Variants in FNBP1 observed in about 807,000 individuals in gnomAD.
FNBP1 encodes formin binding protein 1, also known as formin-binding protein 1.
FNBP1 carries 26 observed loss-of-function variants against 90.6 expected under a neutral mutation model. The observed-to-expected ratio is 0.29, with a 90% CI of 0.21 to 0.40. The LOEUF (loss-of-function observed/expected upper bound fraction) is 0.40. Ranked by LOEUF, FNBP1 falls within the 10% of genes least tolerant of loss-of-function variation. The pLI, the probability that FNBP1 is intolerant of heterozygous loss-of-function variation, is 1.00. For synonymous variants in FNBP1, 260 were observed against 265.2 expected (o/e 0.98, Z 0.19); for missense variants, 635 against 768.0 (o/e 0.83, Z 2.05).
chr9:129,949,253 T>C (rs1281027222), intron 6 of FNBP1, among the ~76,000 whole-genome samples: 3 of 152,176 alleles, frequency 2.0e-5, no homozygotes, highest in Admixed American at 1.3e-4. Flanking sequence ...AAAAAGAGAC[T>C]GCATGGTTCC....
chr9:129,927,260 T>A lies in FNBP1; in HGVS notation c.724A>T (p.Ile242Phe). ...TCCAGGCACTTCCCAATGATTGGGA[T>A]CACCTGCCGATCAACCTCTGCATAT... ...KTYAEVDRQV[I>F]PIIGKCLDGI... Residue 242 changes from isoleucine (I) to phenylalanine (F), a missense_variant, in exon 8 of 17, where the codon ATC (isoleucine) becomes TTC (phenylalanine). By Grantham distance (21) the Ile-to-Phe change is conservative (BLOSUM62 0). Transcript: ENST00000446176. The A allele has an allele frequency of 6.2e-7, 1 of 1,613,412 alleles. No individual in the cohort carries two copies. The highest frequency in any genetic ancestry group is 1.7e-5 in the Admixed American group (1 of 60,026).
chr9:130,047,731 GA>G (rs2060068626), upstream of FNBP1, among the ~76,000 whole-genome samples: 1 of 151,966 alleles, frequency 6.6e-6, no homozygotes, highest in South Asian at 2.1e-4. Context: ...TATTAGCAAC[GA>G]AATAAGGTAT....
intron 7 of FNBP1, among the ~76,000 whole-genome samples, chr9:129,928,462 C>T (rs1025280662): frequency 2.0e-5 from 3 of 152,084 alleles, no homozygotes; most frequent in African/African-American, 7.2e-5. Flanking sequence ...AGTTCACGAC[C>T]AGCCTGGCCA....
At chr9:129,981,363 C>T (rs1440714243) in intron 2 of FNBP1, among the ~76,000 whole-genome samples, 1 of 152,108 alleles carries the variant, frequency 6.6e-6, no homozygotes, top group African/African-American at 2.4e-5. Flanking sequence ...TGCCACTGCA[C>T]CCGGCCAAGA....
intron 11 of FNBP1, among the ~76,000 whole-genome samples, chr9:129,913,688 T>C (rs1367693872): frequency 2.0e-5 from 3 of 151,806 alleles, no homozygotes; most frequent in African/African-American, 4.8e-5. Context: ...TGAGAATCGC[T>C]TGAACCCAGG....
At chr9:129,968,733 G>A (rs2048994208) in intron 4 of FNBP1, among the ~76,000 whole-genome samples, 1 of 152,204 alleles carries the variant, frequency 6.6e-6, no homozygotes, top group South Asian at 2.1e-4. Flanking sequence ...TGTGGAGTCT[G>A]TAAGCATACA....
chr9:130,014,374 C>T (rs1266977959), intron 1 of FNBP1, among the ~76,000 whole-genome samples: 1 of 151,848 alleles, frequency 6.6e-6, no homozygotes, highest in East Asian at 1.9e-4. Context: ...GCCTCAGCCT[C>T]CCAAGTAGCT....
chr9:129,973,924 C>A (rs1159746570), intron 4 of FNBP1, among the ~76,000 whole-genome samples: 1 of 151,868 alleles, frequency 6.6e-6, no homozygotes, highest in Non-Finnish European at 1.5e-5. Flanking sequence ...AATTCTTGTA[C>A]CTCAGCCTCC....
Position 129,961,326 on chromosome 9 carries a change from A to AAAAC in FNBP1, c.346-2777_346-2774dup, listed in dbSNP as rs889109428. Among the ~76,000 whole-genome samples, 17 of 152,202 alleles carry AAAAC rather than the reference A, an allele frequency of 1.1e-4. 1 individual carries two copies. The highest frequency in any genetic ancestry group is 1.5e-4 in the Non-Finnish European group (10 of 68,002). The stretch of plus-strand genomic sequence containing the variant: ...GACTCCATCTCAAAAAAACCCCCGA[A>AAAAC]AAACAAACAAACAAACAAGTAGAGA... On this transcript the variant is annotated intron_variant, in intron 4 of 16. Coordinates refer to ENST00000446176, the MANE Select transcript of FNBP1 (RefSeq NM_015033.3).
intron 1 of FNBP1, among the ~76,000 whole-genome samples, chr9:130,037,486 C>CTT (rs1363637585): frequency 6.6e-6 from 1 of 152,080 alleles, no homozygotes; most frequent in Non-Finnish European, 1.5e-5. Flanking sequence ...TAATTTGTTA[C>CTT]TTTAAGATTA....
chr9:129,893,771 C>T (rs1175691541), intron 16 of FNBP1, among the ~76,000 whole-genome samples: 2 of 151,618 alleles, frequency 1.3e-5, no homozygotes, highest in Admixed American at 1.3e-4. Flanking sequence ...AAAAAATTAG[C>T]TGGGCATGGT....
At chr9:129,993,135 G>C (rs1406575784) in intron 2 of FNBP1, among the ~76,000 whole-genome samples, 1 of 149,258 alleles carries the variant, frequency 6.7e-6, no homozygotes, top group Non-Finnish European at 1.5e-5. Context: ...GCTGAGGCAG[G>C]AGAATCACTT....
upstream of FNBP1, among the ~76,000 whole-genome samples, chr9:130,046,585 AAAAAAAAAAAAAAAAAAAACACC>A (rs2060061216): frequency 6.8e-6 from 1 of 147,254 alleles, no homozygotes; most frequent in African/African-American, 2.5e-5. Context: ...AAATACAAAA[AAAAAAAAAAAAAAAAAAAACACC>A]AAAAAAAAAA....
chr9:130,022,564 T>C (rs2057942029), intron 1 of FNBP1, among the ~76,000 whole-genome samples: 1 of 152,212 alleles, frequency 6.6e-6, no homozygotes, highest in Admixed American at 6.5e-5. Flanking sequence ...TTTACATAGT[T>C]ACAAGTAGAA....
intron 1 of FNBP1, among the ~76,000 whole-genome samples, chr9:130,013,269 T>A (rs1178773295): frequency 6.6e-6 from 1 of 152,152 alleles, no homozygotes; most frequent in African/African-American, 2.4e-5. Flanking sequence ...CATGAGCTAC[T>A]GTGCCTGGCT....
intron 1 of FNBP1, among the ~76,000 whole-genome samples, chr9:130,001,786 G>T (rs2054891529): frequency 6.6e-6 from 1 of 152,002 alleles, no homozygotes; most frequent in Non-Finnish European, 1.5e-5. Context: ...CACTTTGGGA[G>T]GCCAAGGCAG....
intron 8 of FNBP1, among the ~76,000 whole-genome samples, chr9:129,926,361 T>C (rs115085762): frequency 0.021 from 3,143 of 152,230 alleles, 111 homozygotes; most frequent in African/African-American, 0.072. Context: ...TTTTGAGAAA[T>C]AGGTCTCTAG....
chr9:130,046,422 A>G (rs2060059821), upstream of FNBP1, among the ~76,000 whole-genome samples: 1 of 151,988 alleles, frequency 6.6e-6, no homozygotes, highest in African/African-American at 2.4e-5. Flanking sequence ...ACTTCCAGAT[A>G]GCTAAACACA....
chr9:130,042,231 C>A lies in FNBP1; in HGVS notation c.24+721G>T, dbSNP rs1449409673. Among the ~76,000 whole-genome samples the A allele has an allele frequency of 2.0e-5, 3 of 152,114 alleles. No individual in the cohort carries two copies. Among genetic ancestry groups the A allele is most frequent in the Non-Finnish European group, 2.9e-5 (2 of 68,018 alleles). ...CACTGGAAACTATTCTCCGAGCAACCGTTAAAGATCATTGACCCCGCGAAC... is the reference window on the plus strand; with the variant it reads ...CACTGGAAACTATTCTCCGAGCAACAGTTAAAGATCATTGACCCCGCGAAC... On this transcript the variant is annotated intron_variant, in intron 1 of 16. Coordinates refer to ENST00000446176, the MANE Select transcript of FNBP1 (RefSeq NM_015033.3). The surrounding 1 kb of genome is among the most constrained non-coding windows in gnomAD (Gnocchi z 5.5).
Sources: gnomAD v4.1 joint callset for allele counts (sites outside exome capture counted in the v4.1 genomes callset) on GRCh38, gnomAD v4.1.1 for gene constraint, Gnocchi (gnomAD v3.1) non-coding constraint, MANE v1.5 for transcripts, NCBI Gene and HGNC (gene_info 2026-07-23, HGNC 2026-07-21) for gene names.